Variants in SORCS2 observed in about 807,000 individuals in gnomAD.
SORCS2 encodes sortilin related VPS10 domain containing receptor 2.
In SORCS2, 100 loss-of-function variants were observed where a neutral mutation model predicts 141.6. That is an observed-to-expected ratio of 0.71 (90% CI 0.60 to 0.83). SORCS2 has a LOEUF of 0.83. SORCS2 is among the 40% of genes least tolerant of loss of function. The pLI is 0.00. For missense variants in SORCS2, 1,646 were observed against 1,560.2 expected (o/e 1.05, Z -0.93); for synonymous variants, 789 against 676.9 (o/e 1.17, Z -2.57).
chr4:7,193,003 G>T lies in SORCS2; in HGVS notation c.357G>T (p.Arg119=), dbSNP rs1726938194. The change falls in exon 1 of 27, where the codon CGG becomes CGT. Residue 119 remains arginine (R), a synonymous_variant. Transcript: ENST00000507866. The surrounding 1 kb of genome is among the most constrained non-coding windows in gnomAD (Gnocchi z 4.8). ...CCGCGGGCTACCGGCGCTGGGAGCG[G>T]GCGGCGCCGCTGGCCGGAGTGGCTT... ...APAAGYRRWE[R]AAPLAGVASR... 2 of 1,464,828 alleles carry T rather than the reference G, an allele frequency of 1.4e-6. No homozygotes were observed. Among genetic ancestry groups the T allele is most frequent in the Admixed American group, 5.0e-5 (2 of 39,948 alleles). The allele number at this position is 1,464,828 out of a possible 1,614,324, so 90.7% of individuals were successfully genotyped here. A position where few individuals can be genotyped will look rare whatever the true frequency, so the allele number is the denominator to read the frequency against.
At chr4:7,453,424 G>C (rs1560297287) in intron 2 of SORCS2, among the ~76,000 whole-genome samples, 1 of 135,460 alleles carries the variant, frequency 7.4e-6, no homozygotes, top group African/African-American at 2.8e-5. Flanking sequence ...GTCAGGAGCT[G>C]TGTGTTGGGG....
At chr4:7,329,157 G>A (rs538374845) in intron 1 of SORCS2, among the ~76,000 whole-genome samples, 51 of 152,358 alleles carry the variant, frequency 3.3e-4, no homozygotes, top group African/African-American at 1.2e-3. Flanking sequence ...CTCCCAAGCC[G>A]AGAGCACAGG....
chr4:7,539,569 CCTT>C (rs1577717214), intron 3 of SORCS2, among the ~76,000 whole-genome samples: 2 of 152,150 alleles, frequency 1.3e-5, no homozygotes, highest in African/African-American at 2.4e-5. Flanking sequence ...CTCCCTCCCT[CCTT>C]GTTTTCTTCC....
At chr4:7,208,190 T>A (rs1038238944) in intron 1 of SORCS2, among the ~76,000 whole-genome samples, 3 of 151,920 alleles carry the variant, frequency 2.0e-5, no homozygotes, top group Non-Finnish European at 4.4e-5. Context: ...CCCTGGGACA[T>A]GCAGAAGGGG....
chr4:7,612,773 C>T (rs1195000705), intron 3 of SORCS2, among the ~76,000 whole-genome samples: 2 of 152,158 alleles, frequency 1.3e-5, no homozygotes, highest in Non-Finnish European at 2.9e-5. Flanking sequence ...TAATCCCACC[C>T]CACAGGAGCT....
intron 1 of SORCS2, among the ~76,000 whole-genome samples, chr4:7,262,699 A>G (rs28694879): frequency 0.081 from 12,299 of 152,244 alleles, 1,203 homozygotes; most frequent in African/African-American, 0.24. Context: ...GTGTGCAGCC[A>G]TCCTGCTGAG....
intron 5 of SORCS2, 40 bp from the exon 6 acceptor site, chr4:7,661,460 G>T (rs1207343050): frequency 6.5e-7 from 1 of 1,548,134 alleles, no homozygotes; most frequent in Admixed American, 2.0e-5. Context: ...CGGGCATGGT[G>T]ACTCCATTCC....
intron 2 of SORCS2, among the ~76,000 whole-genome samples, chr4:7,492,315 G>A (rs1270217169): frequency 6.6e-6 from 1 of 152,222 alleles, no homozygotes; most frequent in Non-Finnish European, 1.5e-5. Flanking sequence ...GAACCTATGA[G>A]GTCGCGCGGT....
chr4:7,571,207 G>A (rs745965270), intron 3 of SORCS2, among the ~76,000 whole-genome samples: 6 of 152,228 alleles, frequency 3.9e-5, no homozygotes, highest in Non-Finnish European at 8.8e-5. Flanking sequence ...GATGCTCTCT[G>A]CGCATCGCCC....
intron 2 of SORCS2, among the ~76,000 whole-genome samples, chr4:7,482,889 G>C (rs1730740499): frequency 6.6e-6 from 1 of 152,110 alleles, no homozygotes; most frequent in Non-Finnish European, 1.5e-5. Flanking sequence ...GTGGGCTGGA[G>C]AGGCTCCCTC....
At position 7,626,793 on chromosome 4, in the gene SORCS2, C is replaced by T. The variant is rs185757975; in HGVS notation, c.649-11535C>T. On this transcript the variant is annotated intron_variant, in intron 3 of 26. Coordinates refer to ENST00000507866, the MANE Select transcript of SORCS2 (RefSeq NM_020777.3). ...CCATGGGAGGGTGATTTCATCCTGT[C>T]CCGTCTTGTCCTGTCCACAGTCATA... 2.9e-4 allele frequency among the ~76,000 whole-genome samples: 44 copies of T among 152,166 alleles called. 1 individual carries two copies. The highest frequency in any genetic ancestry group is 1.6e-4 in the Non-Finnish European group (11 of 68,004).
At chr4:7,578,875 T>G (rs1715947618) in intron 3 of SORCS2, among the ~76,000 whole-genome samples, 1 of 152,236 alleles carries the variant, frequency 6.6e-6, no homozygotes, top group Admixed American at 6.5e-5. Context: ...TTCTGTTTGC[T>G]GGATAGAAGC....
intron 1 of SORCS2, among the ~76,000 whole-genome samples, chr4:7,293,740 C>T (rs994578596): frequency 2.6e-5 from 4 of 152,166 alleles, no homozygotes; most frequent in African/African-American, 4.8e-5. Flanking sequence ...TGTCTCAGTG[C>T]GTGGTGCCCA....
intron 1 of SORCS2, among the ~76,000 whole-genome samples, chr4:7,314,570 A>C (rs1236324466): frequency 6.6e-6 from 1 of 152,082 alleles, no homozygotes; most frequent in Non-Finnish European, 1.5e-5. Flanking sequence ...CCATCTCCTG[A>C]CCTTGTGATC....
chr4:7,689,619 G>A, intron 11 of SORCS2, 31 bp downstream of exon 11: 1 of 1,548,542 alleles, frequency 6.5e-7, no homozygotes, highest in Non-Finnish European at 8.7e-7. Flanking sequence ...GTGGCTGGCA[G>A]GTGCCATTAC....
At chr4:7,344,001 T>C (rs924652292) in intron 1 of SORCS2, among the ~76,000 whole-genome samples, 1 of 152,226 alleles carries the variant, frequency 6.6e-6, no homozygotes, top group African/African-American at 2.4e-5. Flanking sequence ...AGTTGGCTTC[T>C]AGGCCCTGGT....
At chr4:7,234,846 C>T (rs1712149703) in intron 1 of SORCS2, among the ~76,000 whole-genome samples, 1 of 152,264 alleles carries the variant, frequency 6.6e-6, no homozygotes, top group Non-Finnish European at 1.5e-5. Flanking sequence ...CTCCAGGCAG[C>T]CTGTCCACGG....
intron 2 of SORCS2, among the ~76,000 whole-genome samples, chr4:7,400,239 A>C (rs1724486058): frequency 6.6e-6 from 1 of 151,380 alleles, no homozygotes; most frequent in Non-Finnish European, 1.5e-5. Context: ...CTGACCCTGG[A>C]CTACACTAAG....
chr4:7,528,357 A>G (rs1267046443), intron 2 of SORCS2, among the ~76,000 whole-genome samples: 3 of 150,906 alleles, frequency 2.0e-5, no homozygotes, highest in African/African-American at 7.3e-5. Context: ...TTGGGTTTGC[A>G]TTGTCTGCAG....
Sources: gnomAD v4.1 joint callset for allele counts (sites outside exome capture counted in the v4.1 genomes callset) on GRCh38, gnomAD v4.1.1 for gene constraint, Gnocchi (gnomAD v3.1) non-coding constraint, MANE v1.5 for transcripts, NCBI Gene and HGNC (gene_info 2026-07-23, HGNC 2026-07-21) for gene names.